MAPKAP1: variants seen among roughly 807,000 people sequenced by gnomAD.
The protein encoded by MAPKAP1 is target of rapamycin complex 2 subunit MAPKAP1.
A neutral mutation model predicts 65.7 loss-of-function variants in MAPKAP1; 20 were observed. That is an observed-to-expected ratio of 0.30 (90% CI 0.21 to 0.44). The LOEUF (loss-of-function observed/expected upper bound fraction) is 0.44. MAPKAP1 is among the 20% of genes least tolerant of loss of function. The pLI, the probability that MAPKAP1 is intolerant of heterozygous loss-of-function variation, is 1.00. For missense variants in MAPKAP1, 423 were observed against 648.0 expected, an observed-to-expected ratio of 0.65 and a Z score of 3.77; for synonymous variants, 222 against 244.3, an observed-to-expected ratio of 0.91 and a Z score of 0.85.
intron 4 of MAPKAP1, among the ~76,000 whole-genome samples, chr9:125,620,677 T>G (rs190753712): frequency 2.2e-4 from 34 of 152,296 alleles, no homozygotes; most frequent in Admixed American, 2.2e-3. Flanking sequence ...TGCAGCTATA[T>G]GAAGGGATGA....
At chr9:125,665,176 C>T (rs1834305727) in intron 3 of MAPKAP1, among the ~76,000 whole-genome samples, 1 of 152,108 alleles carries the variant, frequency 6.6e-6, no homozygotes, top group South Asian at 2.1e-4. Flanking sequence ...AGCATGGTGG[C>T]ACACGCCTGT....
intron 4 of MAPKAP1, among the ~76,000 whole-genome samples, chr9:125,655,157 T>C (rs1036108248): frequency 1.3e-5 from 2 of 152,082 alleles, no homozygotes; most frequent in Admixed American, 1.3e-4. Context: ...ACCCTTACAT[T>C]TGAGGCTAAA....
At chr9:125,590,852 C>G (rs987210531) in intron 4 of MAPKAP1, among the ~76,000 whole-genome samples, 1 of 151,926 alleles carries the variant, frequency 6.6e-6, no homozygotes, top group Non-Finnish European at 1.5e-5. Context: ...CAGCTCAATG[C>G]AACCTCCACC....
At chr9:125,465,551 C>T (rs907181125) in intron 10 of MAPKAP1, among the ~76,000 whole-genome samples, 1 of 152,182 alleles carries the variant, frequency 6.6e-6, no homozygotes, top group Non-Finnish European at 1.5e-5. Flanking sequence ...CATCTTTGGG[C>T]ACTTTACAAC....
intron 7 of MAPKAP1, among the ~76,000 whole-genome samples, chr9:125,514,015 G>A (rs569833066): frequency 3.9e-5 from 6 of 152,200 alleles, no homozygotes; most frequent in South Asian, 4.2e-4. Context: ...AACAAACCAC[G>A]GCAGCACAGA....
intron 3 of MAPKAP1, among the ~76,000 whole-genome samples, chr9:125,666,828 C>T (rs1417536355): frequency 6.6e-6 from 1 of 152,162 alleles, no homozygotes; most frequent in Non-Finnish European, 1.5e-5. Flanking sequence ...CCCAGAGTGC[C>T]AAGCTATGGT....
intron 4 of MAPKAP1, among the ~76,000 whole-genome samples, chr9:125,641,190 T>C (rs987591766): frequency 6.6e-6 from 1 of 152,234 alleles, no homozygotes; most frequent in African/African-American, 2.4e-5. Context: ...CTGTTAATCT[T>C]GAGGACAGAG....
At chr9:125,583,658 C>T (rs980312034) in intron 5 of MAPKAP1, among the ~76,000 whole-genome samples, 6 of 152,216 alleles carry the variant, frequency 3.9e-5, no homozygotes, top group African/African-American at 1.4e-4. Context: ...AAGTTAGTTT[C>T]CTCATCTATA....
At chr9:125,548,395 A>C (rs190622813) in intron 6 of MAPKAP1, among the ~76,000 whole-genome samples, 2 of 152,186 alleles carry the variant, frequency 1.3e-5, no homozygotes, top group African/African-American at 4.8e-5. Flanking sequence ...CCTAGTGGGG[A>C]TGATGTCTCA....
intron 9 of MAPKAP1, among the ~76,000 whole-genome samples, chr9:125,480,735 G>A (rs2133025993): frequency 6.6e-6 from 1 of 152,070 alleles, no homozygotes; most frequent in East Asian, 1.9e-4. Flanking sequence ...CACTTTGGGA[G>A]GCCAAGGCGG....
intron 4 of MAPKAP1, among the ~76,000 whole-genome samples, chr9:125,651,244 A>G (rs929929073): frequency 6.6e-6 from 1 of 152,246 alleles, no homozygotes; most frequent in African/African-American, 2.4e-5. Flanking sequence ...GAAGACTAGC[A>G]AAATACAGTC....
chr9:125,559,491 A>G (rs984295503), intron 6 of MAPKAP1, 142 bp downstream of exon 6: 3 of 698,554 alleles, frequency 4.3e-6, no homozygotes, highest in African/African-American at 3.6e-5. Flanking sequence ...CGTCCTCAGC[A>G]TCTCTCTGGG....
intron 5 of MAPKAP1, among the ~76,000 whole-genome samples, chr9:125,562,067 T>C (rs1830909135): frequency 6.6e-6 from 1 of 152,224 alleles, no homozygotes; most frequent in Admixed American, 6.5e-5. Flanking sequence ...GATTATTTAT[T>C]GCCATGTAAA....
intron 10 of MAPKAP1, among the ~76,000 whole-genome samples, chr9:125,449,809 T>C (rs1197990309): frequency 6.6e-6 from 1 of 152,162 alleles, no homozygotes; most frequent in African/African-American, 2.4e-5. Context: ...GCTGTGGTCA[T>C]GAGATGGGAT....
At chr9:125,460,388 CTTGT>C (rs1004222160) in intron 10 of MAPKAP1, among the ~76,000 whole-genome samples, 2 of 152,016 alleles carry the variant, frequency 1.3e-5, no homozygotes, top group African/African-American at 4.8e-5. Flanking sequence ...AATTTTCTTT[CTTGT>C]TTATTAATAC....
At chr9:125,659,519 T>C (rs925212203) in intron 3 of MAPKAP1, among the ~76,000 whole-genome samples, 1 of 152,156 alleles carries the variant, frequency 6.6e-6, no homozygotes, top group African/African-American at 2.4e-5. Context: ...TCTGCTCTTC[T>C]ATCTGCCTGT....
rs748023401 is a variant in MAPKAP1 at position 125,657,746 on chromosome 9, T to C, written c.403A>G (p.Ile135Val). 2.7e-5 allele frequency: 44 copies of C among 1,613,976 alleles called. No homozygotes were observed. Among genetic ancestry groups the C allele is most frequent in the Admixed American group, 1.2e-4 (7 of 60,010 alleles). ...EKKSLKEKPP[I>V]SGKQSILSVR... ...GATAATATCGACTGCTTCCCAGAAA[T>C]TGGAGGCTTCTCTTTGAGAGATTTT... Residue 135 changes from isoleucine (I) to valine (V), a missense_variant, in exon 4 of 12, where the codon ATT becomes GTT. Physicochemically the swap from Ile to Val is conservative, Grantham distance 29. Around this residue, in one of 6 missense-constraint regions of MAPKAP1, gnomAD observed 67 missense variants for 69.6 expected, o/e 0.96. Transcript: ENST00000265960.
At chr9:125,512,233 GAA>G (rs987828057) in intron 7 of MAPKAP1, among the ~76,000 whole-genome samples, 3 of 152,214 alleles carry the variant, frequency 2.0e-5, no homozygotes, top group African/African-American at 7.2e-5. Flanking sequence ...GCCAAAGTCC[GAA>G]GAGAGGGAAG....
In MAPKAP1 at chr9:125,595,600, G is replaced by A; in HGVS notation, c.499-9873C>T. 7.5e-7 allele frequency: 1 copy of A among 1,335,952 alleles called. No homozygotes were observed. The highest frequency in any genetic ancestry group is 9.6e-7 in the Non-Finnish European group (1 of 1,040,452). 82.8% of individuals were successfully genotyped at this position (1,335,952 alleles called of 1,614,324 possible). ...AATTAAGAAATATCATGCTATGTTT[G>A]TCAGCTTACTCCTTTCTGCCTGTGG... On this transcript the variant is annotated intron_variant, in intron 4 of 11. Coordinates refer to ENST00000265960, the MANE Select transcript of MAPKAP1 (RefSeq NM_001006617.3). The surrounding 1 kb of genome is among the most constrained non-coding windows in gnomAD (Gnocchi z 4.0).
Sources: allele counts gnomAD v4.1 joint callset (sites outside exome capture counted in the v4.1 genomes callset), GRCh38; gene constraint gnomAD v4.1.1; regional missense constraint gnomAD v4.1.1; non-coding constraint Gnocchi (gnomAD v3.1); transcripts MANE v1.5; gene names NCBI Gene and HGNC (gene_info 2026-07-23, HGNC 2026-07-21).